Variants in RBM6 observed in about 807,000 individuals in gnomAD.
RBM6 encodes RNA binding motif protein 6.
RBM6 carries 23 observed loss-of-function variants against 140.4 expected under a neutral mutation model. The observed-to-expected ratio is 0.16, with a 90% confidence interval of 0.12 to 0.23. RBM6 has a LOEUF of 0.23. RBM6 is among the 10% of genes least tolerant of loss of function. The pLI is 1.00. For missense variants in RBM6, 1,139 were observed against 1,386.7 expected (o/e 0.82, Z 2.84); for synonymous variants, 439 against 475.6 (o/e 0.92, Z 1.00).
At chr3:49,979,120 G>A (rs555354157) in intron 5 of RBM6, among the ~76,000 whole-genome samples, 1 of 152,282 alleles carries the variant, frequency 6.6e-6, no homozygotes, top group African/African-American at 2.4e-5. Context: ...AAATACTGAT[G>A]TATGCTACAA....
At position 49,968,395 on chromosome 3, in the gene RBM6, A is replaced by G; in HGVS notation, c.970A>G (p.Arg324Gly). Residue 324 changes from arginine (R) to glycine (G), a missense_variant, in exon 3 of 21, where the codon AGG (arginine) becomes GGG (glycine). Physicochemically the swap from Arg to Gly is moderately radical, Grantham distance 125. Transcript: ENST00000266022. ...EESTHDHTIE[R>G]PAFGIQKGEF... ...ATCCACACATGACCATACGATAGAA[A>G]GGCCTGCTTTTGGCATTCAGAAGGG... is the stretch of plus-strand genomic sequence containing the variant. The G allele has an allele frequency of 1.2e-6, 2 of 1,614,242 alleles. No individual in the cohort carries two copies. Among genetic ancestry groups the G allele is most frequent in the Non-Finnish European group, 1.7e-6 (2 of 1,180,040 alleles).
chr3:49,995,497 T>C (rs891156378), intron 5 of RBM6, among the ~76,000 whole-genome samples: 1 of 151,546 alleles, frequency 6.6e-6, no homozygotes, highest in Non-Finnish European at 1.5e-5. Flanking sequence ...TGAGCCGAGA[T>C]TGTGTGCCAT....
intron 6 of RBM6, among the ~76,000 whole-genome samples, chr3:50,006,487 A>AT (rs1222552822): frequency 1.3e-5 from 2 of 152,076 alleles, no homozygotes; most frequent in African/African-American, 4.8e-5. Flanking sequence ...GCAGTATAAC[A>AT]TAGTATTCTG....
At chr3:49,976,902 A>G (rs1318979398) in intron 5 of RBM6, among the ~76,000 whole-genome samples, 4 of 152,184 alleles carry the variant, frequency 2.6e-5, no homozygotes, top group Non-Finnish European at 4.4e-5. Flanking sequence ...ATAAAACGAA[A>G]AATACCTTTC....
chr3:50,063,402 T>C (rs755730209), intron 15 of RBM6, among the ~76,000 whole-genome samples: 2 of 151,676 alleles, frequency 1.3e-5, no homozygotes, highest in Non-Finnish European at 2.9e-5. Context: ...GTTTAGGAGT[T>C]TGACACCAGC....
Position 49,962,673 on chromosome 3 carries a change from C to T in RBM6, c.32C>T (p.Thr11Ile). The T allele has an allele frequency of 1.3e-6, 2 of 1,575,120 alleles. No individual in the cohort carries two copies. Among genetic ancestry groups the T allele is most frequent in the East Asian group, 2.3e-5 (1 of 42,562 alleles). ...GGGGATTCTCGACCTGCTAACAGAA[C>T]TGGACCTTTTCGGTAAGTTCTCAAA... MWGDSRPANR[T>I]GPFRGSQEER... Residue 11 changes from threonine (T) to isoleucine (I), a missense_variant, in exon 2 of 21, where the codon ACT (threonine) becomes ATT (isoleucine). Thr to Ile is a moderately conservative substitution (Grantham distance 89). This residue lies in a region of RBM6 where 566 missense variants were observed against 612.7 expected (regional missense o/e 0.92). Coordinates refer to ENST00000266022, the MANE Select transcript of RBM6 (RefSeq NM_005777.3).
intron 6 of RBM6, among the ~76,000 whole-genome samples, chr3:50,016,775 G>A (rs913168053): frequency 6.7e-6 from 1 of 150,092 alleles, no homozygotes; most frequent in Non-Finnish European, 1.5e-5. Context: ...CACTCAAGCA[G>A]TCCTCCCACC....
At chr3:49,983,321 C>G (rs1330857333) in intron 5 of RBM6, among the ~76,000 whole-genome samples, 1 of 152,072 alleles carries the variant, frequency 6.6e-6, no homozygotes, top group Non-Finnish European at 1.5e-5. Flanking sequence ...AGAATTGACA[C>G]TGATGATATA....
intron 5 of RBM6, among the ~76,000 whole-genome samples, chr3:49,975,721 C>A (rs530962190): frequency 6.6e-6 from 1 of 152,112 alleles, no homozygotes; most frequent in Non-Finnish European, 1.5e-5. Flanking sequence ...TATGCTTGAG[C>A]CTAATAGGAT....
intron 6 of RBM6, among the ~76,000 whole-genome samples, chr3:50,043,045 G>T (rs1215455396): frequency 1.3e-5 from 2 of 152,164 alleles, no homozygotes; most frequent in African/African-American, 2.4e-5. Flanking sequence ...AAGATTTCTT[G>T]AAATGTACTT....
chr3:50,047,447 A>G, intron 6 of RBM6: 14 of 602,446 alleles, frequency 2.3e-5, no homozygotes, highest in Non-Finnish European at 2.7e-5. Flanking sequence ...TTTAATGTGA[A>G]ATAGAATTCA....
chr3:49,993,068 A>G (rs2085898620), intron 5 of RBM6, among the ~76,000 whole-genome samples: 3 of 152,200 alleles, frequency 2.0e-5, no homozygotes, highest in South Asian at 4.1e-4. Context: ...GAGGTGATCT[A>G]TGACCGTTTG....
chr3:50,061,511 C>A lies in RBM6; in HGVS notation c.2403C>A (p.Asp801Glu), dbSNP rs755836183. ...IYDSATGYYY[D>E]PLAGTYYDPN... ...ATTCTGCTACTGGCTACTATTATGA[C>A]CCCTTGGCAGGAACTTATTATGACC... The change falls in exon 14 of 21, where the codon GAC becomes GAA. Residue 801 changes from aspartate to glutamate, a missense_variant. Around this residue, in one of 9 missense-constraint regions of RBM6, gnomAD observed 163 missense variants for 182.8 expected, o/e 0.89. Transcript: ENST00000266022. 2 of 1,609,644 alleles carry A rather than the reference C, an allele frequency of 1.2e-6. No individual in the cohort carries two copies. Among genetic ancestry groups the A allele is most frequent in the Non-Finnish European group, 1.7e-6 (2 of 1,179,210 alleles).
intron 1 of RBM6, among the ~76,000 whole-genome samples, chr3:49,961,038 A>G (rs1272823157): frequency 6.6e-6 from 1 of 151,726 alleles, no homozygotes; most frequent in African/African-American, 2.4e-5. Context: ...CAGCCTTCCA[A>G]GAAGCTGAGA....
At chr3:49,946,947 G>A (rs1271811514) in intron 1 of RBM6, among the ~76,000 whole-genome samples, 2 of 151,092 alleles carry the variant, frequency 1.3e-5, no homozygotes, top group Non-Finnish European at 2.9e-5. Context: ...GATGTTGAGC[G>A]TCTGTTCATG....
At chr3:50,061,874 C>G in intron 14 of RBM6, 88 bp from the exon 15 acceptor site, 1 of 1,500,122 alleles carries the variant, frequency 6.7e-7, no homozygotes, top group South Asian at 1.3e-5. Context: ...TTGTTTCTTC[C>G]CCTAAAAGGG....
At chr3:49,984,704 G>A (rs540429615) in intron 5 of RBM6, among the ~76,000 whole-genome samples, 3 of 151,508 alleles carry the variant, frequency 2.0e-5, no homozygotes, top group African/African-American at 7.3e-5. Context: ...AATTTTCAAG[G>A]CAGAAATCTT....
At chr3:50,046,281 A>C (rs1290693526) in intron 6 of RBM6, among the ~76,000 whole-genome samples, 3 of 134,968 alleles carry the variant, frequency 2.2e-5, no homozygotes, top group African/African-American at 8.4e-5. Flanking sequence ...ACTCTGTCTC[A>C]AAAAAAAAAA....
In RBM6 at chr3:50,077,187, CCTTTT is replaced by C; in HGVS notation, c.*60_*64del. On this transcript the variant is annotated 3_prime_UTR_variant, in exon 21 of 21. Transcript: ENST00000266022. Reference sequence around the variant, plus strand: ...CCTCCCTCTTGTTTTGTTTGTCTCTCCTTTTCTTTTGTTACTGTTCTTGCTGCTAG... The same window carrying C: ...CCTCCCTCTTGTTTTGTTTGTCTCTCCTTTTGTTACTGTTCTTGCTGCTAG... The C allele has an allele frequency of 6.5e-7, 1 of 1,538,040 alleles. No homozygotes were observed. Among genetic ancestry groups the C allele is most frequent in the Non-Finnish European group, 8.8e-7 (1 of 1,140,682 alleles).
Sources: gnomAD v4.1 joint callset for allele counts (sites outside exome capture counted in the v4.1 genomes callset) on GRCh38, gnomAD v4.1.1 for gene constraint, gnomAD v4.1.1 regional missense constraint, MANE v1.5 for transcripts, NCBI Gene and HGNC (gene_info 2026-07-23, HGNC 2026-07-21) for gene names.